Variants in FAT4 observed in about 807,000 individuals in gnomAD.
FAT4 encodes protocadherin Fat 4.
A neutral mutation model predicts 303.9 loss-of-function variants in FAT4; 84 were observed. That is an observed-to-expected ratio of 0.28 (90% CI 0.23 to 0.33). FAT4 has a LOEUF of 0.33. Ranked by LOEUF, FAT4 falls within the 10% of genes least tolerant of loss-of-function variation. FAT4 has a pLI of 1.00. For synonymous variants in FAT4, 2,307 were observed against 2,298.8 expected (o/e 1.00, Z -0.10); for missense variants, 6,005 against 6,146.8 (o/e 0.98, Z 0.77).
chr4:125,409,324 T>A (rs2126021981), intron 5 of FAT4, among the ~76,000 whole-genome samples: 1 of 151,936 alleles, frequency 6.6e-6, no homozygotes, highest in East Asian at 1.9e-4. Flanking sequence ...TGATGCAATC[T>A]CAGCTCACTG....
chr4:125,456,388 A>G (rs1277102421), intron 10 of FAT4, among the ~76,000 whole-genome samples: 2 of 152,208 alleles, frequency 1.3e-5, no homozygotes, highest in African/African-American at 2.4e-5. Context: ...CTTCATTTGC[A>G]TAGTAGGAGA....
At chr4:125,461,065 A>G (rs1214532235) in intron 10 of FAT4, among the ~76,000 whole-genome samples, 2 of 152,066 alleles carry the variant, frequency 1.3e-5, no homozygotes, top group African/African-American at 4.8e-5. Flanking sequence ...GGTTTGTAAC[A>G]TCTTCTGCCA....
chr4:125,471,893 T>TATAAAAAAAAA (rs1333165332), intron 12 of FAT4, among the ~76,000 whole-genome samples: 1 of 1,834 alleles, frequency 5.5e-4, no homozygotes, highest in Non-Finnish European at 1.5e-3. Flanking sequence ...CTACTAAAAA[T>TATAAAAAAAAA]ACAAAAAAAA....
chr4:125,429,552 G>C (rs968632973), intron 7 of FAT4, among the ~76,000 whole-genome samples: 2 of 152,066 alleles, frequency 1.3e-5, no homozygotes, highest in African/African-American at 4.8e-5. Flanking sequence ...AATTGGTTCA[G>C]TTCTTTGGGT....
chr4:125,367,408 A>G (rs1012789707), intron 2 of FAT4, among the ~76,000 whole-genome samples: 3 of 152,176 alleles, frequency 2.0e-5, no homozygotes. Context: ...TTTCAAGGTC[A>G]TACAATTTGT....
At chr4:125,388,430 TTTTG>T (rs1459443075) in intron 2 of FAT4, among the ~76,000 whole-genome samples, 1 of 152,160 alleles carries the variant, frequency 6.6e-6, no homozygotes, top group Non-Finnish European at 1.5e-5. Flanking sequence ...TAGTGGCATT[TTTTG>T]TTTGTTTGTT....
intron 9 of FAT4, among the ~76,000 whole-genome samples, chr4:125,446,837 T>G (rs1176105109): frequency 6.6e-6 from 1 of 151,978 alleles, no homozygotes; most frequent in Non-Finnish European, 1.5e-5. Context: ...TCATCGTTAA[T>G]GATGTTTATG....
chr4:125,412,087 T>A (rs1378982758), intron 5 of FAT4, among the ~76,000 whole-genome samples: 2 of 151,800 alleles, frequency 1.3e-5, no homozygotes, highest in African/African-American at 4.8e-5. Flanking sequence ...TTTACAATAA[T>A]GTGTTTACTG....
At chr4:125,479,710 G>A (rs1463655864) in intron 14 of FAT4, 31 bp from the exon 15 acceptor site, 4 of 1,514,782 alleles carry the variant, frequency 2.6e-6, no homozygotes, top group Non-Finnish European at 3.6e-6. Flanking sequence ...TCTTTTATGT[G>A]CGTTATTGTT....
chr4:125,452,170 C>A lies in FAT4; in HGVS notation c.11160C>A (p.Gly3720=). The A allele has an allele frequency of 6.2e-6, 10 of 1,614,190 alleles. No individual in the cohort carries two copies. Among genetic ancestry groups the A allele is most frequent in the Non-Finnish European group, 8.5e-6 (10 of 1,180,036 alleles). ...TVDNSILLRL[G]VPTVKDFLTN... ...ATAACAGCATCTTACTTCGTCTCGG[C>A]GTACCAACAGTAAAGGACTTCTTGA... The change falls in exon 10 of 18, where the codon GGC becomes GGA. Residue 3720 remains glycine (G), a synonymous_variant. Transcript: ENST00000394329.
intron 12 of FAT4, among the ~76,000 whole-genome samples, chr4:125,475,280 A>G (rs1213451672): frequency 6.6e-6 from 1 of 152,086 alleles, no homozygotes; most frequent in Non-Finnish European, 1.5e-5. Flanking sequence ...ACAATAATAT[A>G]GATATACAAC....
chr4:125,346,692 G>A (rs1049091262), intron 2 of FAT4, among the ~76,000 whole-genome samples: 19 of 151,918 alleles, frequency 1.3e-4, no homozygotes, highest in African/African-American at 3.4e-4. Context: ...TTGTCTTTCG[G>A]TTCACAAGAA....
At chr4:125,372,942 A>T (rs185622526) in intron 2 of FAT4, among the ~76,000 whole-genome samples, 9 of 152,296 alleles carry the variant, frequency 5.9e-5, no homozygotes, top group Admixed American at 4.6e-4. Flanking sequence ...TGTTTTATGT[A>T]GTTTAATGTT....
intron 2 of FAT4, among the ~76,000 whole-genome samples, chr4:125,376,810 A>G (rs1054166632): frequency 2.0e-5 from 3 of 152,102 alleles, no homozygotes; most frequent in Non-Finnish European, 4.4e-5. Context: ...ACTTGAACCC[A>G]GGAGGTGGAG....
chr4:125,435,464 A>T (rs1024521720), intron 8 of FAT4, among the ~76,000 whole-genome samples: 1 of 152,182 alleles, frequency 6.6e-6, no homozygotes, highest in African/African-American at 2.4e-5. Flanking sequence ...AGATATACGG[A>T]TATGGTAATG....
rs2125938665 is a variant in FAT4 at position 125,316,807 on chromosome 4, C to T, written c.396C>T (p.Ala132=). Residue 132 remains alanine, a synonymous_variant, in exon 2 of 18, where the codon GCC becomes GCT. Coordinates refer to ENST00000394329, the MANE Select transcript of FAT4 (RefSeq NM_001291303.3). The surrounding 1 kb of genome is among the most constrained non-coding windows in gnomAD (Gnocchi z 5.7). ...RVLVRDLNDN[A]PVFPDPSIVV... The stretch of plus-strand genomic sequence containing the variant: ...TGGTGCGGGACCTCAATGACAACGC[C>T]CCCGTTTTCCCGGACCCCTCTATCG... 1 of 1,614,026 alleles carries T rather than the reference C, an allele frequency of 6.2e-7. No individual in the cohort carries two copies. Among genetic ancestry groups the T allele is most frequent in the Non-Finnish European group, 8.5e-7 (1 of 1,179,988 alleles).
chr4:125,430,161 A>T (rs867595453), intron 7 of FAT4, among the ~76,000 whole-genome samples: 5,477 of 65,938 alleles, frequency 0.083, 165 homozygotes, highest in Admixed American at 0.19. Flanking sequence ...AAAGTATAAA[A>T]AAAAAAAAAA....
In FAT4 at chr4:125,389,991, G is replaced by A. The variant is rs149337053; in HGVS notation, c.5176-8793G>A. 2.8e-3 allele frequency among the ~76,000 whole-genome samples: 431 copies of A among 152,136 alleles called. 4 individuals are homozygous for A. The highest frequency in any genetic ancestry group is 3.2e-3 in the Non-Finnish European group (216 of 68,012). ...TACATGATGAAGTGTTCTGGATGTCGTGAAACATTTCACCCAGACTTATGG... is the reference window on the plus strand; with the variant it reads ...TACATGATGAAGTGTTCTGGATGTCATGAAACATTTCACCCAGACTTATGG... On this transcript the variant is annotated intron_variant, in intron 2 of 17. Coordinates refer to ENST00000394329, the MANE Select transcript of FAT4 (RefSeq NM_001291303.3).
intron 7 of FAT4, among the ~76,000 whole-genome samples, chr4:125,418,416 T>C (rs1052640893): frequency 3.1e-4 from 47 of 152,130 alleles, no homozygotes; most frequent in African/African-American, 1.1e-3. Flanking sequence ...TCTCATCATA[T>C]TTTTATTTAC....
Sources: allele counts gnomAD v4.1 joint callset (sites outside exome capture counted in the v4.1 genomes callset), GRCh38; gene constraint gnomAD v4.1.1; non-coding constraint Gnocchi (gnomAD v3.1); transcripts MANE v1.5; gene names NCBI Gene and HGNC (gene_info 2026-07-23, HGNC 2026-07-21).